CLEC2B: variants seen among roughly 807,000 people sequenced by gnomAD.
CLEC2B encodes C-type lectin domain family 2 member B, also known as C-type (calcium dependent, carbohydrate-recognition domain) lectin, superfamily member 2 (activation-induced).
Under a neutral mutation model 16.2 loss-of-function variants are expected in CLEC2B, and 14 were observed. The ratio of observed to expected loss-of-function variants is 0.86; its 90% CI spans 0.57 to 1.35. CLEC2B has a LOEUF of 1.35. Among genes scored for constraint, CLEC2B ranks in the 40% most tolerant of loss-of-function variants. The pLI is 0.00. For missense variants in CLEC2B, 166 were observed against 182.3 expected, an observed-to-expected ratio of 0.91 and a Z score of 0.52; for synonymous variants, 42 against 55.8, an observed-to-expected ratio of 0.75 and a Z score of 1.10.
chr12:9,859,528 A>G (rs931619531), intron 2 of CLEC2B, among the ~76,000 whole-genome samples: 9 of 151,904 alleles, frequency 5.9e-5, no homozygotes, highest in African/African-American at 2.2e-4. Flanking sequence ...AAATAACACT[A>G]TATCTAGTTA....
chr12:9,866,039 A>T (rs1867967963), intron 1 of CLEC2B, among the ~76,000 whole-genome samples: 3 of 152,090 alleles, frequency 2.0e-5, no homozygotes, highest in Admixed American at 2.0e-4. Flanking sequence ...AAATGCCTTT[A>T]AAAAAAGGTA....
At chr12:9,867,209 A>G (rs1018481897) in intron 1 of CLEC2B, 1 of 152,178 alleles carries the variant, frequency 6.6e-6, no homozygotes, top group Non-Finnish European at 1.5e-5. Context: ...ACAACCTGGG[A>G]AACTTCATAT....
At chr12:9,863,304 C>A (rs1352600167) in intron 1 of CLEC2B, among the ~76,000 whole-genome samples, 3 of 151,942 alleles carry the variant, frequency 2.0e-5, no homozygotes, top group African/African-American at 7.3e-5. Flanking sequence ...CCAAAAAAAT[C>A]GACAGGTAAA....
chr12:9,857,656 T>C lies in CLEC2B; in HGVS notation c.74-19A>G, dbSNP rs200344362. On this transcript the variant is annotated intron_variant, in intron 2 of 4. Transcript: ENST00000228438. The stretch of plus-strand genomic sequence containing the variant: ...AGTTTAACTGGAAATGAGACAAATA[T>C]ATATCTTAAGTACCATATAGAATAA... 210 of 1,575,552 alleles carry C rather than the reference T, an allele frequency of 1.3e-4. 1 individual carries two copies. Among genetic ancestry groups the C allele is most frequent in the Non-Finnish European group, 1.6e-4 (184 of 1,146,894 alleles).
At chr12:9,860,968 T>C (rs1867928494) in intron 2 of CLEC2B, among the ~76,000 whole-genome samples, 2 of 152,066 alleles carry the variant, frequency 1.3e-5, no homozygotes, top group African/African-American at 4.8e-5. Context: ...TCAAGAGGAC[T>C]ATATTTTGGA....
chr12:9,860,431 C>T (rs977027065), intron 2 of CLEC2B, among the ~76,000 whole-genome samples: 5 of 151,662 alleles, frequency 3.3e-5, no homozygotes, highest in African/African-American at 4.8e-5. Context: ...TGCATTATAG[C>T]GCATTGAGTC....
chr12:9,862,594 C>T, intron 1 of CLEC2B, 21 bp from the exon 2 acceptor site: 1 of 1,421,318 alleles, frequency 7.0e-7, no homozygotes, highest in Non-Finnish European at 9.3e-7. Flanking sequence ...AAAATAAAGA[C>T]ATTTAGGAGA....
At chr12:9,865,701 C>T (rs1867965828) in intron 1 of CLEC2B, among the ~76,000 whole-genome samples, 1 of 152,126 alleles carries the variant, frequency 6.6e-6, no homozygotes, top group South Asian at 2.1e-4. Context: ...CTGCAGAATA[C>T]TCATTATTTT....
chr12:9,857,733 T>G, intron 2 of CLEC2B, 96 bp from the exon 3 acceptor site: 1 of 938,790 alleles, frequency 1.1e-6, no homozygotes, highest in Non-Finnish European at 1.6e-6. Context: ...TGTAAAAGAT[T>G]ATGGTCACTA....
intron 3 of CLEC2B, 84 bp downstream of exon 3, chr12:9,857,390 G>T (rs1867901463): frequency 2.1e-5 from 22 of 1,037,650 alleles, no homozygotes; most frequent in Non-Finnish European, 2.9e-5. Context: ...TGAGTGAAAA[G>T]ACTTCAAGAT....
Position 9,857,646 on chromosome 12 carries a change from G to T in CLEC2B, c.74-9C>A. 1 of 1,595,058 alleles carries T rather than the reference G, an allele frequency of 6.3e-7. No individual in the cohort carries two copies. Among genetic ancestry groups the T allele is most frequent in the Non-Finnish European group, 8.6e-7 (1 of 1,163,940 alleles). Reference sequence around the variant, plus strand: ...ATCTCGAGTTAGTTTAACTGGAAATGAGACAAATATATATCTTAAGTACCA... The same window carrying T: ...ATCTCGAGTTAGTTTAACTGGAAATTAGACAAATATATATCTTAAGTACCA... On this transcript the variant is annotated splice_polypyrimidine_tract_variant and intron_variant, in intron 2 of 4. Transcript: ENST00000228438.
At chr12:9,865,260 A>G (rs1387790387) in intron 1 of CLEC2B, among the ~76,000 whole-genome samples, 2 of 152,008 alleles carry the variant, frequency 1.3e-5, no homozygotes, top group East Asian at 3.9e-4. Flanking sequence ...TGCAGCCTAC[A>G]GGAAATCTGC....
At chr12:9,857,987 A>G (rs1867907144) in intron 2 of CLEC2B, among the ~76,000 whole-genome samples, 2 of 152,120 alleles carry the variant, frequency 1.3e-5, no homozygotes, top group South Asian at 2.1e-4. Flanking sequence ...AATAATTTGT[A>G]TTAGTCACTA....
At chr12:9,853,754 G>T (rs1006356569) in intron 4 of CLEC2B, among the ~76,000 whole-genome samples, 1 of 152,140 alleles carries the variant, frequency 6.6e-6, no homozygotes, top group Non-Finnish European at 1.5e-5. Flanking sequence ...GGTGAGTAGG[G>T]TGGATAGTTT....
At chr12:9,866,857 T>C (rs1867973766) in intron 1 of CLEC2B, among the ~76,000 whole-genome samples, 1 of 152,072 alleles carries the variant, frequency 6.6e-6, no homozygotes, top group African/African-American at 2.4e-5. Flanking sequence ...AGCTAACAGG[T>C]AGAGAGAAGG....
intron 1 of CLEC2B, among the ~76,000 whole-genome samples, chr12:9,866,175 T>G (rs1396516594): frequency 6.6e-6 from 1 of 152,140 alleles, no homozygotes; most frequent in East Asian, 1.9e-4. Context: ...TGAGGTTTCT[T>G]ATCTTTCATA....
intron 1 of CLEC2B, among the ~76,000 whole-genome samples, chr12:9,865,208 A>G (rs1867962235): frequency 1.3e-5 from 2 of 150,700 alleles, no homozygotes; most frequent in Admixed American, 6.6e-5. Context: ...AAAAGCATAA[A>G]GTTAAAGTGG....
chr12:9,861,912 T>C (rs1361151394), intron 2 of CLEC2B, among the ~76,000 whole-genome samples: 2 of 152,156 alleles, frequency 1.3e-5, no homozygotes, highest in Admixed American at 6.5e-5. Flanking sequence ...TCTATGACTG[T>C]GTTTCTATGA....
intron 1 of CLEC2B, among the ~76,000 whole-genome samples, chr12:9,866,827 A>T (rs1479111819): frequency 6.6e-6 from 1 of 152,184 alleles, no homozygotes; most frequent in Non-Finnish European, 1.5e-5. Flanking sequence ...AAGGGATTTT[A>T]AAAAGAGGAA....
Sources: allele counts gnomAD v4.1 joint callset (sites outside exome capture counted in the v4.1 genomes callset), GRCh38; gene constraint gnomAD v4.1.1; transcripts MANE v1.5; gene names NCBI Gene and HGNC (gene_info 2026-07-23, HGNC 2026-07-21).